Variants in SYNE2 observed in about 807,000 individuals in gnomAD.
The protein encoded by SYNE2 is spectrin repeat containing nuclear envelope protein 2.
In SYNE2, 431 loss-of-function variants were observed where a neutral mutation model predicts 856.3. The ratio of observed to expected loss-of-function variants is 0.50; its 90% CI spans 0.47 to 0.55. SYNE2 has a LOEUF of 0.55. SYNE2 is among the 20% of genes least tolerant of loss of function. The pLI, the probability that SYNE2 is intolerant of heterozygous loss-of-function variation, is 0.00. For synonymous variants in SYNE2, 2,923 were observed against 2,872.3 expected, an observed-to-expected ratio of 1.02 and a Z score of -0.56; for missense variants, 8,129 against 8,023.2, an observed-to-expected ratio of 1.01 and a Z score of -0.50.
chr14:63,998,918 G>A lies in SYNE2; in HGVS notation c.3358G>A (p.Asp1120Asn). The A allele has an allele frequency of 9.9e-6, 16 of 1,613,950 alleles. No homozygotes were observed. The highest frequency in any genetic ancestry group is 1.3e-5 in the Non-Finnish European group (15 of 1,179,920). Reference sequence around the variant, plus strand: ...GTTGCATTTCATTTTGCCCAGGTATGATACATACAGAGATATTCTTGAACA... The same window carrying A: ...GTTGCATTTCATTTTGCCCAGGTATAATACATACAGAGATATTCTTGAACA... ...ASINSLLERY[D>N]TYRDILEHHL... Residue 1120 changes from aspartate to asparagine, a missense_variant, in exon 27 of 116, where the codon GAT (aspartate) becomes AAT (asparagine). By Grantham distance (23) the Asp-to-Asn change is conservative (BLOSUM62 1). Transcript: ENST00000555002.
chr14:63,847,026 T>G (rs1890248008), intron 1 of SYNE2, among the ~76,000 whole-genome samples: 1 of 151,714 alleles, frequency 6.6e-6, no homozygotes, highest in Non-Finnish European at 1.5e-5. Flanking sequence ...CTTGCCGTGT[T>G]GCCCAGGTTG....
chr14:64,094,444 G>A (rs1223954366), intron 61 of SYNE2, among the ~76,000 whole-genome samples: 2 of 152,172 alleles, frequency 1.3e-5, no homozygotes, highest in African/African-American at 4.8e-5. Context: ...TGTTTTTGAA[G>A]TAGCATTTCT....
chr14:64,141,791 C>G, intron 81 of SYNE2, 151 bp from the exon 82 acceptor site: 2 of 997,948 alleles, frequency 2.0e-6, no homozygotes, highest in Non-Finnish European at 1.4e-6. Flanking sequence ...GTCGCTTATT[C>G]TAAGTTTGAA....
intron 1 of SYNE2, among the ~76,000 whole-genome samples, chr14:63,870,169 C>T (rs1259703125): frequency 6.6e-6 from 1 of 152,186 alleles, no homozygotes; most frequent in Non-Finnish European, 1.5e-5. Context: ...CCAGCCTTCT[C>T]TCCCACCACA....
rs1555393492 is a variant in SYNE2 at position 63,948,722 on chromosome 14, G to GTGTA, written c.409-1102_409-1101insGTAT. 7.0e-4 allele frequency among the ~76,000 whole-genome samples: 71 copies of GTGTA among 101,492 alleles called. 1 individual carries two copies. The highest frequency in any genetic ancestry group is 3.0e-3 in the East Asian group (11 of 3,632). The allele number at this position is 101,492 out of a possible 152,430, so 66.6% of individuals were successfully genotyped here. A position where few individuals can be genotyped will look rare whatever the true frequency, so the allele number is the denominator to read the frequency against. ...TATATATATGTATATATATATGTGT[G>GTGTA]TATATATATGTGTATAGATATGTGT... On this transcript the variant is annotated intron_variant, in intron 6 of 115. Coordinates refer to ENST00000555002, the MANE Select transcript of SYNE2 (RefSeq NM_182914.3).
At chr14:64,095,113 C>T (rs1441083405) in intron 61 of SYNE2, 4 of 170,382 alleles carry the variant, frequency 2.3e-5, no homozygotes, top group Non-Finnish European at 5.9e-5. Context: ...TTTGCACCCA[C>T]CTAATGGACA....
chr14:63,980,956 G>A, intron 15 of SYNE2, 30 bp from the exon 16 acceptor site: 2 of 1,456,596 alleles, frequency 1.4e-6, no homozygotes, highest in Non-Finnish European at 1.9e-6. Flanking sequence ...TGTTTTCTAA[G>A]ATTACTTTTT....
In SYNE2 at chr14:64,007,289, C is replaced by T. The variant is rs1000884001; in HGVS notation, c.4577+67C>T. On this transcript the variant is annotated intron_variant, in intron 31 of 115. Coordinates refer to ENST00000555002, the MANE Select transcript of SYNE2 (RefSeq NM_182914.3). ...CTGTAGCACAATTAACTTTTTCAAA[C>T]TTCTGGGTTGAAAACACATCTCCGT... 4.0e-6 allele frequency: 6 copies of T among 1,498,558 alleles called. No individual in the cohort carries two copies. The Admixed American group carries it at 8.4e-5, about 21-fold the overall frequency. The allele number at this position is 1,498,558 out of a possible 1,614,324, so 92.8% of individuals were successfully genotyped here.
chr14:64,021,356 G>C lies in SYNE2; in HGVS notation c.5193G>C (p.Gln1731His), dbSNP rs373231298. Residue 1731 changes from glutamine to histidine, a missense_variant, in exon 36 of 116, where the codon CAG becomes CAC. Around this residue, in one of 3 missense-constraint regions of SYNE2, gnomAD observed 2,422 missense variants for 2,357.4 expected, o/e 1.03. Transcript: ENST00000555002. ...SSILNKMEHV[Q>H]KCLTGESNCH... ...TTTTGAACAAGATGGAACATGTACA[G>C]AAGTGCTTAACAGGAGAATCCAACT... 1 of 1,614,150 alleles carries C rather than the reference G, an allele frequency of 6.2e-7. No homozygotes were observed. The highest frequency in any genetic ancestry group is 2.2e-5 in the East Asian group (1 of 44,882).
intron 2 of SYNE2, among the ~76,000 whole-genome samples, chr14:63,914,251 A>G (rs1480420703): frequency 6.6e-6 from 1 of 152,226 alleles, no homozygotes; most frequent in Non-Finnish European, 1.5e-5. Flanking sequence ...CAGTAGGGGT[A>G]ATGTTGGATA....
chr14:64,169,760 C>A (rs1201014169), intron 93 of SYNE2, among the ~76,000 whole-genome samples: 1 of 152,112 alleles, frequency 6.6e-6, no homozygotes, highest in Non-Finnish European at 1.5e-5. Flanking sequence ...AACAAGAGGC[C>A]TTATTTCTCG....
intron 1 of SYNE2, among the ~76,000 whole-genome samples, chr14:63,867,422 G>T (rs1221719340): frequency 6.6e-6 from 1 of 151,716 alleles, no homozygotes; most frequent in African/African-American, 2.4e-5. Flanking sequence ...AAAGGGCCAG[G>T]TGTGGTGGCT....
chr14:63,812,162 G>C (rs991682355), intron 1 of SYNE2, among the ~76,000 whole-genome samples: 2 of 152,152 alleles, frequency 1.3e-5, no homozygotes, highest in Non-Finnish European at 2.9e-5. Context: ...TCATAAGACA[G>C]ACACTCCCAG....
rs77605333 is a variant in SYNE2 at position 63,964,051 on chromosome 14, C to T, written c.990+51C>T. The T allele has an allele frequency of 4.3e-3, 4,918 of 1,152,444 alleles. 142 individuals carry two copies. In the African/African-American group the frequency reaches 0.066, roughly 16 times the overall value. 71.4% of individuals were successfully genotyped at this position (1,152,444 alleles called of 1,614,324 possible). ...TGTAATTTACCTTTTAAGAGTTGAG[C>T]GTAAGTATGTTTTTAGAAAACTCTT... On this transcript the variant is annotated intron_variant, in intron 10 of 115. Transcript: ENST00000555002.
chr14:63,781,441 G>A (rs918706338), intron 1 of SYNE2, among the ~76,000 whole-genome samples: 2 of 151,710 alleles, frequency 1.3e-5, no homozygotes, highest in Admixed American at 1.3e-4. Flanking sequence ...CTAGGTTTGC[G>A]CAAATAAATA....
Position 64,021,837 on chromosome 14 carries a change from T to C in SYNE2, c.5353-20T>C, listed in dbSNP as rs977001090. The C allele has an allele frequency of 6.2e-7, 1 of 1,613,158 alleles. No individual in the cohort carries two copies. The highest frequency in any genetic ancestry group is 2.2e-5 in the East Asian group (1 of 44,790). ...AGCCTGTTTTAAGATTTAATGGTTG[T>C]TGTTTGTTTATGCATTTAGGAGATA... On this transcript the variant is annotated intron_variant, in intron 36 of 115. Transcript: ENST00000555002.
At chr14:64,181,100 C>CT (rs145471636) in intron 96 of SYNE2, among the ~76,000 whole-genome samples, 7,300 of 149,718 alleles carry the variant, frequency 0.049, 403 homozygotes, top group African/African-American at 0.13. Context: ...TTTTAATATA[C>CT]TTTTTTTTTT....
chr14:64,096,873 C>G (rs1167779337), intron 61 of SYNE2, among the ~76,000 whole-genome samples: 3 of 152,136 alleles, frequency 2.0e-5, no homozygotes, highest in East Asian at 3.9e-4. Flanking sequence ...GATGAACTGA[C>G]AGCAAGAAAG....
Position 64,220,563 on chromosome 14 carries a change from C to A in SYNE2, c.19987C>A (p.Leu6663Met), listed in dbSNP as rs1395242954. The stretch of plus-strand genomic sequence containing the variant: ...CCAAAGTAGACTCCGCCAGCTGAGC[C>A]TGCTCTGGGAAGCAGCACAGGGCGC... ...ELQSRLRQLS[L>M]LWEAAQGAVD... The change falls in exon 111 of 116, where the codon CTG becomes ATG. Residue 6663 changes from leucine to methionine, a missense_variant. Coordinates refer to ENST00000555002, the MANE Select transcript of SYNE2 (RefSeq NM_182914.3). 1 of 1,614,202 alleles carries A rather than the reference C, an allele frequency of 6.2e-7. No homozygotes were observed. Among genetic ancestry groups the A allele is most frequent in the East Asian group, 2.2e-5 (1 of 44,892 alleles).
Sources: allele counts gnomAD v4.1 joint callset (sites outside exome capture counted in the v4.1 genomes callset), GRCh38; gene constraint gnomAD v4.1.1; regional missense constraint gnomAD v4.1.1; transcripts MANE v1.5; gene names NCBI Gene and HGNC (gene_info 2026-07-23, HGNC 2026-07-21).